The following ATXN1 variants were observed in gnomAD, a reference collection of about 807,000 sequenced individuals.
The protein encoded by ATXN1 is ataxin-1.
Under a neutral mutation model 56.4 loss-of-function variants are expected in ATXN1, and 8 were observed. The ratio of observed to expected loss-of-function variants is 0.14; its 90% CI spans 0.08 to 0.26. The LOEUF (loss-of-function observed/expected upper bound fraction) is 0.26. Among genes scored for constraint, ATXN1 ranks in the 10% least tolerant of loss-of-function variants. The pLI, the probability that ATXN1 is intolerant of heterozygous loss-of-function variation, is 1.00. For synonymous variants in ATXN1, 514 were observed against 494.6 expected (o/e 1.04, Z -0.52); for missense variants, 987 against 1,106.5 (o/e 0.89, Z 1.53).
chr6:16,696,862 G>A (rs990968720), intron 2 of ATXN1, among the ~76,000 whole-genome samples: 25 of 152,208 alleles, frequency 1.6e-4, no homozygotes, highest in Non-Finnish European at 2.2e-4. Flanking sequence ...CAAGAGAAAG[G>A]TAGTGTTGAC....
At chr6:16,756,163 TAAA>T (rs1441728571) in intron 1 of ATXN1, among the ~76,000 whole-genome samples, 1 of 151,924 alleles carries the variant, frequency 6.6e-6, no homozygotes, top group Non-Finnish European at 1.5e-5. Flanking sequence ...AAGAATAAAA[TAAA>T]AAACTTTCCA....
rs935131944 is a variant in ATXN1, at chr6:16,305,109, T to A, written c.*1220A>T. 2 of 152,808 alleles carry A rather than the reference T, an allele frequency of 1.3e-5. No homozygotes were observed. Among genetic ancestry groups the A allele is most frequent in the East Asian group, 3.9e-4 (2 of 5,190 alleles). The allele number at this position is 152,808 out of a possible 1,614,324, so 9.5% of individuals were successfully genotyped here. Reference sequence around the variant, plus strand: ...GAAAAAAAGAAAGCAACTTAGTTTTTTTTGTTTTTGTTTTTTCCCCAAAGA... The same window carrying A: ...GAAAAAAAGAAAGCAACTTAGTTTTATTTGTTTTTGTTTTTTCCCCAAAGA... On this transcript the variant is annotated 3_prime_UTR_variant, in exon 8 of 8. Transcript: ENST00000436367.
intron 6 of ATXN1, among the ~76,000 whole-genome samples, chr6:16,395,218 C>T (rs901808907): frequency 1.8e-4 from 22 of 122,986 alleles, no homozygotes; most frequent in African/African-American, 5.7e-4. Flanking sequence ...TGCGGTGAGC[C>T]AAGATTGCGC....
intron 6 of ATXN1, among the ~76,000 whole-genome samples, chr6:16,474,637 T>C (rs1352191765): frequency 6.6e-6 from 1 of 152,214 alleles, no homozygotes; most frequent in Admixed American, 6.5e-5. Flanking sequence ...CATCTACTCC[T>C]CATTCAAGTC....
chr6:16,676,745 T>C (rs552588722), intron 2 of ATXN1, among the ~76,000 whole-genome samples: 78 of 152,326 alleles, frequency 5.1e-4, no homozygotes, highest in African/African-American at 1.9e-3. Context: ...CTTGTTGTGA[T>C]AAAATAATTT....
At chr6:16,552,029 A>G (rs1761928615) in intron 4 of ATXN1, among the ~76,000 whole-genome samples, 1 of 152,202 alleles carries the variant, frequency 6.6e-6, no homozygotes, top group Admixed American at 6.5e-5. Flanking sequence ...AGGATGGTGG[A>G]CGTGTGCATA....
intron 5 of ATXN1, among the ~76,000 whole-genome samples, chr6:16,494,902 A>T (rs1477093077): frequency 6.6e-6 from 1 of 152,182 alleles, no homozygotes; most frequent in Non-Finnish European, 1.5e-5. Context: ...GCCAGAAGAC[A>T]GGGAGGTCTG....
intron 4 of ATXN1, among the ~76,000 whole-genome samples, chr6:16,540,099 C>T (rs550338143): frequency 5.3e-4 from 80 of 152,290 alleles, no homozygotes; most frequent in Middle Eastern, 3.4e-3. Context: ...ACTGGAAGTG[C>T]AATGACAGGG....
At chr6:16,545,399 T>C (rs1251027617) in intron 4 of ATXN1, among the ~76,000 whole-genome samples, 1 of 152,076 alleles carries the variant, frequency 6.6e-6, no homozygotes, top group Non-Finnish European at 1.5e-5. Context: ...TTGTCTTTTT[T>C]TTTTTTGGCA....
chr6:16,642,344 G>A (rs985334642), intron 3 of ATXN1, among the ~76,000 whole-genome samples: 10 of 152,160 alleles, frequency 6.6e-5, no homozygotes, highest in African/African-American at 1.9e-4. Flanking sequence ...GCAGTGAGCC[G>A]AGATCGCGCC....
intron 5 of ATXN1, among the ~76,000 whole-genome samples, chr6:16,495,257 T>C (rs1430484287): frequency 6.6e-6 from 1 of 152,216 alleles, no homozygotes; most frequent in Non-Finnish European, 1.5e-5. Flanking sequence ...AAGAAATAGC[T>C]AAATATTTTC....
At chr6:16,587,990 G>A (rs1454138213) in intron 3 of ATXN1, among the ~76,000 whole-genome samples, 1 of 151,324 alleles carries the variant, frequency 6.6e-6, no homozygotes, top group African/African-American at 2.4e-5. Flanking sequence ...AGCTTAAATA[G>A]CTTAAATTCC....
chr6:16,550,229 A>G lies in ATXN1; in HGVS notation c.-360-27541T>C, dbSNP rs1761896255. 2.7e-5 allele frequency among the ~76,000 whole-genome samples: 4 copies of G among 150,860 alleles called. No homozygotes were observed. In the South Asian group the frequency reaches 8.4e-4, roughly 32 times the overall value. ...CCTAGCAAGTGGTCACTGGTTTTAC[A>G]TGGATACCAAGGCTTCCCTCTTGCC... On this transcript the variant is annotated intron_variant, in intron 4 of 7. Coordinates refer to ENST00000436367, the MANE Select transcript of ATXN1 (RefSeq NM_001128164.2).
chr6:16,732,796 A>G lies in ATXN1; in HGVS notation c.-615+20437T>C, dbSNP rs992762233. 6.6e-5 allele frequency among the ~76,000 whole-genome samples: 10 copies of G among 152,198 alleles called. 1 individual carries two copies. The highest frequency in any genetic ancestry group is 5.9e-4 in the Admixed American group (9 of 15,274). Reference sequence around the variant, plus strand: ...CCCTTATTAAGTACTTTTATGTTTGACTAGATGTGCTTCTTTTGAAATCTT... The same window carrying G: ...CCCTTATTAAGTACTTTTATGTTTGGCTAGATGTGCTTCTTTTGAAATCTT... On this transcript the variant is annotated intron_variant, in intron 2 of 7. Coordinates refer to ENST00000436367, the MANE Select transcript of ATXN1 (RefSeq NM_001128164.2).
chr6:16,498,824 C>G (rs1192257851), intron 5 of ATXN1, among the ~76,000 whole-genome samples: 1 of 152,134 alleles, frequency 6.6e-6, no homozygotes, highest in East Asian at 1.9e-4. Flanking sequence ...TATCCAATGC[C>G]TTTGTCCATC....
intron 6 of ATXN1, among the ~76,000 whole-genome samples, chr6:16,385,563 T>C (rs1162139391): frequency 2.0e-5 from 3 of 152,228 alleles, no homozygotes; most frequent in Non-Finnish European, 4.4e-5. Flanking sequence ...ACAAGAGATA[T>C]GGGAGAAATC....
chr6:16,439,136 C>A (rs142481822), intron 6 of ATXN1, among the ~76,000 whole-genome samples: 1 of 151,788 alleles, frequency 6.6e-6, no homozygotes, highest in African/African-American at 2.4e-5. Flanking sequence ...ATAAGAAGCA[C>A]GTTTGCCCAT....
At chr6:16,650,456 A>G (rs184272544) in intron 3 of ATXN1, among the ~76,000 whole-genome samples, 134 of 152,368 alleles carry the variant, frequency 8.8e-4, no homozygotes, top group African/African-American at 3.1e-3. Flanking sequence ...TTGCCCTAAT[A>G]TTAAAAATAC....
chr6:16,757,389 A>G (rs1034923541), intron 1 of ATXN1, among the ~76,000 whole-genome samples: 5 of 152,226 alleles, frequency 3.3e-5, no homozygotes, highest in Non-Finnish European at 2.9e-5. Flanking sequence ...ATTTTTCTAT[A>G]TGTTGCAAAA....
Sources: gnomAD v4.1 joint callset for allele counts (sites outside exome capture counted in the v4.1 genomes callset) on GRCh38, gnomAD v4.1.1 for gene constraint, MANE v1.5 for transcripts, NCBI Gene and HGNC (gene_info 2026-07-23, HGNC 2026-07-21) for gene names.